The following INPP4B variants were observed in gnomAD, a reference collection of about 807,000 sequenced individuals.
INPP4B encodes inositol polyphosphate-4-phosphatase type II B, also known as inositol polyphosphate 4-phosphatase type II.
In INPP4B, 55 loss-of-function variants were observed where a neutral mutation model predicts 122.5. That is an observed-to-expected ratio of 0.45 (90% confidence interval 0.36 to 0.56). INPP4B has a LOEUF of 0.56. Ranked by LOEUF, INPP4B falls within the 20% of genes least tolerant of loss-of-function variation. The probability of loss-of-function intolerance (pLI) is 0.00; values close to 1 mark genes in which losing one functional copy is unlikely to be tolerated. For synonymous variants in INPP4B, 403 were observed against 388.7 expected, an observed-to-expected ratio of 1.04 and a Z score of -0.43; for missense variants, 1,000 against 1,097.7, an observed-to-expected ratio of 0.91 and a Z score of 1.26.
Position 142,152,894 on chromosome 4 carries a change from G to A in INPP4B, c.1564-6898C>T, listed in dbSNP as rs1436584133. Among the ~76,000 whole-genome samples the A allele has an allele frequency of 1.3e-5, 2 of 152,048 alleles. 1 individual carries two copies. The highest frequency in any genetic ancestry group is 4.8e-5 in the African/African-American group (2 of 41,388). On this transcript the variant is annotated intron_variant, in intron 17 of 25. Coordinates refer to ENST00000262992, the MANE Select transcript of INPP4B (RefSeq NM_001101669.3). ...TGTTAAGGTCAGGTTTCATATAAGT[G>A]CCTATACCACTGTTGCACACTGTTT... is the stretch of plus-strand genomic sequence containing the variant.
intron 1 of INPP4B, among the ~76,000 whole-genome samples, chr4:142,771,830 C>T (rs1773122097): frequency 6.6e-6 from 1 of 151,988 alleles, no homozygotes; most frequent in Non-Finnish European, 1.5e-5. Context: ...TTTTTTTTCA[C>T]ATCACACATC....
At chr4:142,577,615 C>A (rs897525758) in intron 2 of INPP4B, among the ~76,000 whole-genome samples, 2 of 151,968 alleles carry the variant, frequency 1.3e-5, no homozygotes, top group African/African-American at 2.4e-5. Context: ...TATCATTTAC[C>A]AGTTATAAAA....
intron 2 of INPP4B, among the ~76,000 whole-genome samples, chr4:142,614,796 A>G (rs1743344721): frequency 6.6e-6 from 1 of 152,186 alleles, no homozygotes; most frequent in African/African-American, 2.4e-5. Context: ...AAAAATGCTC[A>G]ATATGAGTAA....
chr4:142,293,422 T>C (rs1757278834), intron 9 of INPP4B, among the ~76,000 whole-genome samples: 1 of 150,336 alleles, frequency 6.7e-6, no homozygotes, highest in Non-Finnish European at 1.5e-5. Context: ...AGCACAGCAT[T>C]AAAAAAAAAG....
At chr4:142,206,398 A>G (rs1240912892) in intron 14 of INPP4B, among the ~76,000 whole-genome samples, 1 of 145,806 alleles carries the variant, frequency 6.9e-6, no homozygotes, top group Non-Finnish European at 1.5e-5. Flanking sequence ...CATAGTTCGT[A>G]GTGAATAAGA....
At chr4:142,396,652 A>C (rs531475214) in intron 7 of INPP4B, among the ~76,000 whole-genome samples, 1 of 152,316 alleles carries the variant, frequency 6.6e-6, no homozygotes, top group East Asian at 1.9e-4. Flanking sequence ...ATATTTGTCA[A>C]CATATGTTCA....
At chr4:142,406,783 C>T (rs1803474502) in intron 5 of INPP4B, among the ~76,000 whole-genome samples, 1 of 152,128 alleles carries the variant, frequency 6.6e-6, no homozygotes. Flanking sequence ...ATTTTTGAGG[C>T]ATTTTGCTAA....
intron 9 of INPP4B, among the ~76,000 whole-genome samples, chr4:142,294,881 T>C (rs887053693): frequency 1.5e-5 from 2 of 135,644 alleles, no homozygotes; most frequent in Non-Finnish European, 1.5e-5. Context: ...AGGCTGTGGA[T>C]GAAGCACCTT....
intron 5 of INPP4B, among the ~76,000 whole-genome samples, chr4:142,428,053 T>G (rs2149353567): frequency 6.6e-6 from 1 of 151,852 alleles, no homozygotes; most frequent in Non-Finnish European, 1.5e-5. Flanking sequence ...AATATTTAAT[T>G]TATAGCACAA....
chr4:142,590,777 T>C (rs867001036), intron 2 of INPP4B, among the ~76,000 whole-genome samples: 22 of 150,530 alleles, frequency 1.5e-4, no homozygotes, highest in Middle Eastern at 3.4e-3. Context: ...ACTTTGTCCA[T>C]GGACACAGTC....
intron 2 of INPP4B, among the ~76,000 whole-genome samples, chr4:142,696,171 A>G (rs1361876126): frequency 6.6e-6 from 1 of 152,120 alleles, no homozygotes; most frequent in African/African-American, 2.4e-5. Flanking sequence ...AGCATATTCG[A>G]TGGATTAAGG....
At chr4:142,426,660 T>G (rs929699810) in intron 5 of INPP4B, 1 of 151,860 alleles carries the variant, frequency 6.6e-6, no homozygotes, top group Non-Finnish European at 1.5e-5. Flanking sequence ...GTAAGGAACT[T>G]CAGTAGAGGA....
chr4:142,116,610 C>T (rs1459563203), intron 21 of INPP4B, among the ~76,000 whole-genome samples: 1 of 152,076 alleles, frequency 6.6e-6, no homozygotes, highest in Non-Finnish European at 1.5e-5. Context: ...TTCTTTGAAA[C>T]CAATGAGAAC....
intron 1 of INPP4B, among the ~76,000 whole-genome samples, chr4:142,815,604 C>T (rs2151135985): frequency 6.6e-6 from 1 of 152,138 alleles, no homozygotes; most frequent in South Asian, 2.1e-4. Context: ...AATCTGACAC[C>T]TGAAACTATG....
At chr4:142,831,509 C>T (rs1464239836) in intron 1 of INPP4B, among the ~76,000 whole-genome samples, 1 of 152,176 alleles carries the variant, frequency 6.6e-6, no homozygotes, top group Non-Finnish European at 1.5e-5. Flanking sequence ...GGTAATTTCT[C>T]TGCAAATGTC....
chr4:142,248,392 C>G (rs1338302071), intron 11 of INPP4B, among the ~76,000 whole-genome samples: 9 of 145,416 alleles, frequency 6.2e-5, no homozygotes, highest in Admixed American at 1.4e-4. Context: ...GGCTGGAGTC[C>G]AGTGGCATGA....
At chr4:142,122,273 C>A in intron 20 of INPP4B, 28 bp from the exon 21 acceptor site, 1 of 1,503,912 alleles carries the variant, frequency 6.6e-7, no homozygotes, top group South Asian at 1.2e-5. Context: ...CACTTAGCTA[C>A]AAACAAACAT....
At chr4:142,070,523 A>G (rs1341235974) in intron 25 of INPP4B, among the ~76,000 whole-genome samples, 1 of 152,198 alleles carries the variant, frequency 6.6e-6, no homozygotes, top group Non-Finnish European at 1.5e-5. Context: ...ATGGTATTCA[A>G]TGAGGAAAAG....
At chr4:142,694,967 T>G (rs939733236) in intron 2 of INPP4B, among the ~76,000 whole-genome samples, 5 of 149,228 alleles carry the variant, frequency 3.4e-5, no homozygotes, top group Admixed American at 3.3e-4. Flanking sequence ...ATTGATCCAG[T>G]AATAAAATAG....
Sources: gnomAD v4.1 joint callset for allele counts (sites outside exome capture counted in the v4.1 genomes callset) on GRCh38, gnomAD v4.1.1 for gene constraint, MANE v1.5 for transcripts, NCBI Gene and HGNC (gene_info 2026-07-23, HGNC 2026-07-21) for gene names.